The following RAB14 variants were observed in gnomAD, a reference collection of about 807,000 sequenced individuals.
RAB14 encodes ras-related protein Rab-14.
In RAB14, 3 loss-of-function variants were observed where a neutral mutation model predicts 31.1. The ratio of observed to expected loss-of-function variants is 0.10; its 90% CI spans 0.04 to 0.25. The LOEUF is 0.25. Ranked by LOEUF, RAB14 falls within the 10% of genes least tolerant of loss-of-function variation. RAB14 has a pLI of 1.00. For synonymous variants in RAB14, 85 were observed against 84.9 expected (o/e 1.00, Z 0.00); for missense variants, 111 against 260.1 (o/e 0.43, Z 3.94).
chr9:121,192,250 G>A (rs758121450), intron 2 of RAB14, 26 bp from the exon 3 acceptor site: 5 of 1,550,930 alleles, frequency 3.2e-6, no homozygotes, highest in African/African-American at 1.4e-5. Context: ...GAAGTTTCAG[G>A]TGGCAATTAC....
At chr9:121,194,420 T>C (rs1330404386) in intron 1 of RAB14, among the ~76,000 whole-genome samples, 1 of 152,182 alleles carries the variant, frequency 6.6e-6, no homozygotes, top group Non-Finnish European at 1.5e-5. Context: ...CTAATTTCTC[T>C]TCTACTTAAA....
At chr9:121,187,149 T>A (rs1172265667) in intron 4 of RAB14, 130 bp from the exon 5 acceptor site, 1 of 498,124 alleles carries the variant, frequency 2.0e-6, no homozygotes, top group Non-Finnish European at 3.4e-6. Flanking sequence ...CTCAGAACAG[T>A]AGTTGTGAAA....
intron 4 of RAB14, 87 bp from the exon 5 acceptor site, chr9:121,187,106 A>C: frequency 1.4e-6 from 1 of 707,314 alleles, no homozygotes. Context: ...TAATCAACAT[A>C]TCCTAAAATA....
chr9:121,188,540 TA>T lies in RAB14; in HGVS notation c.285-1522del, dbSNP rs530621012. Among the ~76,000 whole-genome samples the T allele has an allele frequency of 3.8e-3, 566 of 150,224 alleles. 11 individuals carry two copies. Among genetic ancestry groups the T allele is most frequent in the Middle Eastern group, 0.01 (3 of 288 alleles). ...AAATATTAATTGGTGGTACTAGTAC[TA>T]AAAAAAAAGTGCTAAAATACTAGAT... On this transcript the variant is annotated intron_variant, in intron 4 of 7. Transcript: ENST00000373840.
intron 4 of RAB14, among the ~76,000 whole-genome samples, chr9:121,190,115 A>G (rs2053678884): frequency 6.6e-6 from 1 of 152,160 alleles, no homozygotes; most frequent in Non-Finnish European, 1.5e-5. Context: ...ATGCAAGCAT[A>G]AAGTTTTTTA....
intron 4 of RAB14, among the ~76,000 whole-genome samples, chr9:121,188,443 T>A (rs1224695997): frequency 6.6e-6 from 1 of 151,762 alleles, no homozygotes; most frequent in Non-Finnish European, 1.5e-5. Flanking sequence ...CTTCTGCCAA[T>A]GATTCTGGTA....
intron 2 of RAB14, among the ~76,000 whole-genome samples, chr9:121,192,462 A>G (rs1477022599): frequency 6.6e-6 from 1 of 152,088 alleles, no homozygotes; most frequent in Non-Finnish European, 1.5e-5. Context: ...AATAGCCACC[A>G]GCTGGGAAGT....
intron 7 of RAB14, 40 bp downstream of exon 7, chr9:121,182,890 T>C: frequency 6.4e-7 from 1 of 1,567,520 alleles, no homozygotes; most frequent in South Asian, 1.1e-5. Flanking sequence ...TTTGAGAAAC[T>C]TGAATATAAT....
At chr9:121,193,029 A>T (rs2053695420) in intron 2 of RAB14, among the ~76,000 whole-genome samples, 1 of 152,144 alleles carries the variant, frequency 6.6e-6, no homozygotes, top group Non-Finnish European at 1.5e-5. Context: ...ACAGAAACCC[A>T]GGGGAATCTG....
rs2053632351 is a variant in RAB14, at chr9:121,181,438, T to C, written c.606A>G (p.Leu202=). Residue 202 remains leucine, a synonymous_variant, in exon 8 of 8, where the codon CTA becomes CTG. Transcript: ENST00000373840. Reference sequence around the variant, plus strand: ...CTCTCTGGGGTTGGGGTTCACTGGTTAGCCGGCCTCCCTGCGGGGCTGAAG... The same window carrying C: ...CTCTCTGGGGTTGGGGTTCACTGGTCAGCCGGCCTCCCTGCGGGGCTGAAG... ...HKPSAPQGGR[L]TSEPQPQREG... 3 of 1,611,374 alleles carry C rather than the reference T, an allele frequency of 1.9e-6. No individual in the cohort carries two copies. The South Asian group carries it at 3.3e-5, about 18-fold the overall frequency.
Position 121,179,416 on chromosome 9 carries a change from GTAAC to G in RAB14, c.*1976_*1979del, listed in dbSNP as rs1317425717. The G allele has an allele frequency of 1.3e-5, 2 of 152,706 alleles. No homozygotes were observed. The highest frequency in any genetic ancestry group is 6.5e-5 in the Admixed American group (1 of 15,306). The allele number at this position is 152,706 out of a possible 1,614,324, so 9.5% of individuals were successfully genotyped here. A position where few individuals can be genotyped will look rare whatever the true frequency, so the allele number is the denominator to read the frequency against. On this transcript the variant is annotated 3_prime_UTR_variant, in exon 8 of 8. Coordinates refer to ENST00000373840, the MANE Select transcript of RAB14 (RefSeq NM_016322.4). ...AGTCACAAAAACAATAAAACCCACT[GTAAC>G]TAACTTTGGGAGTCAGGGTATTGCA... is the stretch of plus-strand genomic sequence containing the variant.
chr9:121,199,544 T>G (rs1282549355), intron 1 of RAB14, among the ~76,000 whole-genome samples: 1 of 152,210 alleles, frequency 6.6e-6, no homozygotes, highest in Admixed American at 6.5e-5. Flanking sequence ...TATCTTACTG[T>G]GACTATGCAA....
At chr9:121,201,428 A>C (rs1271578444) in intron 1 of RAB14, among the ~76,000 whole-genome samples, 2 of 151,976 alleles carry the variant, frequency 1.3e-5, no homozygotes, top group African/African-American at 4.8e-5. Flanking sequence ...GGAGCCGCGC[A>C]GGGGACACCT....
chr9:121,188,103 T>C (rs537296045), intron 4 of RAB14, among the ~76,000 whole-genome samples: 1 of 152,108 alleles, frequency 6.6e-6, no homozygotes, highest in Admixed American at 6.6e-5. Context: ...ATCATATTAT[T>C]CATAAATCAC....
chr9:121,187,063 A>G, intron 4 of RAB14, 44 bp from the exon 5 acceptor site: 1 of 1,241,070 alleles, frequency 8.1e-7, no homozygotes. Flanking sequence ...ATATAATTAT[A>G]GAAAAAAAAC....
chr9:121,190,497 T>A (rs1588369784), intron 4 of RAB14, 57 bp downstream of exon 4: 4 of 1,448,038 alleles, frequency 2.8e-6, no homozygotes, highest in Non-Finnish European at 2.8e-6. Context: ...AATTTTTTTT[T>A]AAATGCCCAA....
intron 4 of RAB14, 67 bp downstream of exon 4, chr9:121,190,487 A>T: frequency 7.1e-7 from 1 of 1,405,142 alleles, no homozygotes; most frequent in Non-Finnish European, 9.5e-7. Flanking sequence ...AATGCCTATC[A>T]ATTTTTTTTT....
intron 1 of RAB14, among the ~76,000 whole-genome samples, chr9:121,198,199 A>C (rs1363655239): frequency 1.5e-5 from 2 of 129,852 alleles, no homozygotes; most frequent in African/African-American, 4.0e-5. Flanking sequence ...TCTACCGATA[A>C]ATATTTCAAA....
Position 121,178,291 on chromosome 9 carries a change from C to G in RAB14, c.*3105G>C, listed in dbSNP as rs966573696. Reference sequence around the variant, plus strand: ...CATCTTTCAAAACAAAACTTGATTTCTTTTGTATTTACATTTTTTGTTTCA... The same window carrying G: ...CATCTTTCAAAACAAAACTTGATTTGTTTTGTATTTACATTTTTTGTTTCA... On this transcript the variant is annotated 3_prime_UTR_variant, in exon 8 of 8. Transcript: ENST00000373840. The G allele has an allele frequency of 6.6e-6, 1 of 152,166 alleles. No homozygotes were observed. Among genetic ancestry groups the G allele is most frequent in the Admixed American group, 6.6e-5 (1 of 15,266 alleles). 9.4% of individuals were successfully genotyped at this position (152,166 alleles called of 1,614,324 possible). A position where few individuals can be genotyped will look rare whatever the true frequency, so the allele number is the denominator to read the frequency against.
Sources: gnomAD v4.1 joint callset for allele counts (sites outside exome capture counted in the v4.1 genomes callset) on GRCh38, gnomAD v4.1.1 for gene constraint, MANE v1.5 for transcripts, NCBI Gene and HGNC (gene_info 2026-07-23, HGNC 2026-07-21) for gene names.